The following MSRA variants were observed in gnomAD, a reference collection of about 807,000 sequenced individuals.
MSRA encodes the protein mitochondrial peptide methionine sulfoxide reductase.
In MSRA, 54 loss-of-function variants were observed where a neutral mutation model predicts 31.3. The ratio of observed to expected loss-of-function variants is 1.73; its 90% CI spans 1.39 to 2.17. MSRA has a LOEUF of 2.17. Ranked by LOEUF, MSRA falls within the 30% of genes most tolerant of loss-of-function variation. The pLI, the probability that MSRA is intolerant of heterozygous loss-of-function variation, is 0.00. For synonymous variants in MSRA, 169 were observed against 116.5 expected, an observed-to-expected ratio of 1.45 and a Z score of -2.90; for missense variants, 507 against 300.9, an observed-to-expected ratio of 1.69 and a Z score of -5.07.
In MSRA at chr8:10,093,818, C is replaced by T. The variant is rs1172937960; in HGVS notation, c.142+39160C>T. On this transcript the variant is annotated intron_variant, in intron 1 of 5. Coordinates refer to ENST00000317173, the MANE Select transcript of MSRA (RefSeq NM_012331.5). The stretch of plus-strand genomic sequence containing the variant: ...GTAGAGCAGGTCTGCTAGTAATGAA[C>T]TCTGTTTTTATTTGGAATGTCTTAA... 3.3e-5 allele frequency among the ~76,000 whole-genome samples: 5 copies of T among 152,258 alleles called. No individual in the cohort carries two copies. In the East Asian group the frequency reaches 9.7e-4, roughly 29 times the overall value.
chr8:10,073,281 G>T (rs181786793), intron 1 of MSRA, among the ~76,000 whole-genome samples: 16 of 152,064 alleles, frequency 1.1e-4, no homozygotes, highest in South Asian at 4.1e-4. Flanking sequence ...ATTGAGTTAC[G>T]GTAGTTCCTC....
At position 10,228,367 on chromosome 8, in the gene MSRA, A is replaced by G. The variant is rs941424313; in HGVS notation, c.212-16737A>G. On this transcript the variant is annotated intron_variant, in intron 2 of 5. Coordinates refer to ENST00000317173, the MANE Select transcript of MSRA (RefSeq NM_012331.5). ...TTGCTGTTTCTGTGCCCCTGACTCT[A>G]CGTGTACTTTATTGATATCCAGTAA... is the stretch of plus-strand genomic sequence containing the variant. Among the ~76,000 whole-genome samples the G allele has an allele frequency of 5.1e-4, 77 of 152,126 alleles. 2 individuals are homozygous for G. The highest frequency in any genetic ancestry group is 2.3e-3 in the Admixed American group (35 of 15,274).
rs559743421 is a variant in MSRA at position 10,369,409 on chromosome 8, C to A, written c.543+49420C>A. Reference sequence around the variant, plus strand: ...TTGCAGACAAAGTACCCAACGAAATCAAACACTGAAATTTCAAAAGGAAAT... The same window carrying A: ...TTGCAGACAAAGTACCCAACGAAATAAAACACTGAAATTTCAAAAGGAAAT... On this transcript the variant is annotated intron_variant, in intron 5 of 5. Coordinates refer to ENST00000317173, the MANE Select transcript of MSRA (RefSeq NM_012331.5). Among the ~76,000 whole-genome samples, 143 of 152,288 alleles carry A rather than the reference C, an allele frequency of 9.4e-4. 1 individual carries two copies. The highest frequency in any genetic ancestry group is 3.2e-3 in the African/African-American group (134 of 41,564).
At chr8:10,264,421 T>G (rs1054868103) in intron 3 of MSRA, among the ~76,000 whole-genome samples, 2 of 152,274 alleles carry the variant, frequency 1.3e-5, no homozygotes, top group Non-Finnish European at 1.5e-5. Context: ...CTAGGTCTTT[T>G]CAGAAGTTTA....
At chr8:10,263,804 T>C (rs1203327838) in intron 3 of MSRA, among the ~76,000 whole-genome samples, 1 of 152,192 alleles carries the variant, frequency 6.6e-6, no homozygotes, top group Non-Finnish European at 1.5e-5. Context: ...CACAGTGTGA[T>C]TTCGTTATTG....
intron 1 of MSRA, among the ~76,000 whole-genome samples, chr8:10,146,943 GT>G (rs1322426771): frequency 6.6e-6 from 1 of 152,176 alleles, no homozygotes; most frequent in Non-Finnish European, 1.5e-5. Flanking sequence ...TCACACTATT[GT>G]TTAAAAAGCT....
At position 10,091,904 on chromosome 8, in the gene MSRA, G is replaced by A. The variant is rs570059708; in HGVS notation, c.142+37246G>A. Among the ~76,000 whole-genome samples the A allele has an allele frequency of 3.9e-4, 60 of 152,226 alleles. 2 individuals are homozygous for A. In the South Asian group the frequency reaches 0.012, roughly 30 times the overall value. On this transcript the variant is annotated intron_variant, in intron 1 of 5. Transcript: ENST00000317173. ...TTACAGGTTTGAGCCACTGTGTCCG[G>A]CCGGTAGTTCTATTTTTAATTTTTG...
intron 5 of MSRA, among the ~76,000 whole-genome samples, chr8:10,333,196 C>G (rs1430880665): frequency 1.3e-5 from 2 of 152,222 alleles, no homozygotes; most frequent in African/African-American, 4.8e-5. Flanking sequence ...GGGCCACACT[C>G]CTACTCATCT....
intron 2 of MSRA, among the ~76,000 whole-genome samples, chr8:10,227,037 T>C (rs1441125850): frequency 6.6e-6 from 1 of 152,204 alleles, no homozygotes; most frequent in Non-Finnish European, 1.5e-5. Context: ...TAGAGATCCA[T>C]GGCTCACCAG....
At chr8:10,315,135 A>G (rs1801639352) in intron 4 of MSRA, among the ~76,000 whole-genome samples, 1 of 152,182 alleles carries the variant, frequency 6.6e-6, no homozygotes, top group Middle Eastern at 3.2e-3. Flanking sequence ...TGTCATGAGA[A>G]CAGCATGGGA....
At chr8:10,391,495 A>G (rs1187019695) in intron 5 of MSRA, among the ~76,000 whole-genome samples, 2 of 152,234 alleles carry the variant, frequency 1.3e-5, no homozygotes, top group African/African-American at 4.8e-5. Context: ...AATTTCAGTT[A>G]AAACTATGAA....
chr8:10,281,067 T>C (rs1335705701), intron 3 of MSRA, among the ~76,000 whole-genome samples: 1 of 152,206 alleles, frequency 6.6e-6, no homozygotes, highest in Non-Finnish European at 1.5e-5. Flanking sequence ...ATAAAAATGT[T>C]TTAAAATTGA....
intron 5 of MSRA, among the ~76,000 whole-genome samples, chr8:10,426,138 G>A (rs968601184): frequency 6.6e-6 from 1 of 152,210 alleles, no homozygotes; most frequent in African/African-American, 2.4e-5. Context: ...CCATTTCCAA[G>A]GAGGTCATTG....
intron 3 of MSRA, among the ~76,000 whole-genome samples, chr8:10,269,382 A>G (rs992060065): frequency 2.0e-5 from 3 of 152,184 alleles, no homozygotes; most frequent in African/African-American, 7.2e-5. Context: ...GAAATATGTC[A>G]TGATATATAG....
At chr8:10,248,500 C>T (rs17693945) in intron 3 of MSRA, among the ~76,000 whole-genome samples, 45,809 of 152,072 alleles carry the variant, frequency 0.3, 8,248 homozygotes, top group Non-Finnish European at 0.42. Context: ...GCCAAGGAAC[C>T]ATCGGCTCAA....
At chr8:10,140,881 C>T (rs1253028079) in intron 1 of MSRA, among the ~76,000 whole-genome samples, 1 of 152,122 alleles carries the variant, frequency 6.6e-6, no homozygotes, top group African/African-American at 2.4e-5. Context: ...CAGACACAGA[C>T]ACACTCGGAG....
At position 10,391,786 on chromosome 8, in the gene MSRA, A is replaced by G. The variant is rs536227330; in HGVS notation, c.544-36362A>G. ...CATGTCCTTATTTGTTTGTGGCTTC[A>G]TTTGTCCCACGTGAAGGGCAGAGAC... On this transcript the variant is annotated intron_variant, in intron 5 of 5. Transcript: ENST00000317173. 4.6e-5 allele frequency among the ~76,000 whole-genome samples: 7 copies of G among 152,288 alleles called. No individual in the cohort carries two copies. The East Asian group carries it at 1.4e-3, about 29-fold the overall frequency.
intron 1 of MSRA, among the ~76,000 whole-genome samples, chr8:10,197,598 C>G (rs1246618027): frequency 2.0e-5 from 3 of 152,154 alleles, no homozygotes; most frequent in Non-Finnish European, 4.4e-5. Flanking sequence ...GAGCCACATT[C>G]TAACTGTGAT....
chr8:10,204,691 C>T (rs1297374543), intron 1 of MSRA, among the ~76,000 whole-genome samples: 4 of 152,110 alleles, frequency 2.6e-5, no homozygotes, highest in Non-Finnish European at 5.9e-5. Context: ...TGAATATATC[C>T]CTGTTGTTAA....
Sources: gnomAD v4.1 joint callset for allele counts (sites outside exome capture counted in the v4.1 genomes callset) on GRCh38, gnomAD v4.1.1 for gene constraint, MANE v1.5 for transcripts, NCBI Gene and HGNC (gene_info 2026-07-23, HGNC 2026-07-21) for gene names.